The following KRT5 variants were observed in gnomAD, a reference collection of about 807,000 sequenced individuals.
KRT5 encodes keratin, type II cytoskeletal 5.
KRT5 carries 17 observed loss-of-function variants against 44.0 expected under a neutral mutation model. The observed-to-expected ratio is 0.39, with a 90% CI of 0.26 to 0.58. The LOEUF is 0.58. Among genes scored for constraint, KRT5 ranks in the 20% least tolerant of loss-of-function variants. The pLI, the probability that KRT5 is intolerant of heterozygous loss-of-function variation, is 0.61. For missense variants in KRT5, 737 were observed against 785.5 expected (o/e 0.94, Z 0.74); for synonymous variants, 329 against 312.8 (o/e 1.05, Z -0.55).
rs751065772 is a variant in KRT5 at position 52,517,270 on chromosome 12, T to A, written c.1093-38A>T. On this transcript the variant is annotated intron_variant, in intron 5 of 8. Transcript: ENST00000252242. The stretch of plus-strand genomic sequence containing the variant: ...GGAAAGAGGAAAGATTCTGTTTATA[T>A]GAGAATGGGAAGAACTTTCCCAAAG... 8 of 1,613,028 alleles carry A rather than the reference T, an allele frequency of 5.0e-6. No individual in the cohort carries two copies. The Admixed American group carries it at 1.0e-4, about 20-fold the overall frequency.
At chr12:52,515,315 C>T in intron 8 of KRT5, 75 bp from the exon 9 acceptor site, 1 of 1,594,360 alleles carries the variant, frequency 6.3e-7, no homozygotes, top group Middle Eastern at 1.7e-4. Context: ...ATTTGATCTG[C>T]TGGTGTTGGA....
chr12:52,515,239 A>T lies in KRT5; in HGVS notation c.1476T>A (p.Ser492=). 6.2e-7 allele frequency: 1 copy of T among 1,606,168 alleles called. No individual in the cohort carries two copies. Residue 492 remains serine (S), a splice_region_variant and synonymous_variant, in exon 9 of 9, where the codon TCT becomes TCA. Transcript: ENST00000252242. ...CAGAGGAAACACTGCTTGTGACAACAGCTGCAGGGAAAGGAGGGAGGACTC... is the reference window on the plus strand; with the variant it reads ...CAGAGGAAACACTGCTTGTGACAACTGCTGCAGGGAAAGGAGGGAGGACTC... ...SGEGVGPVNI[S]VVTSSVSSGY...
chr12:52,519,454 C>T (rs905539865), intron 1 of KRT5: 1 of 627,304 alleles, frequency 1.6e-6, no homozygotes, highest in Non-Finnish European at 2.8e-6. Flanking sequence ...TGTCTACCTT[C>T]CTGTACAGTC....
chr12:52,519,211 T>C, intron 1 of KRT5, 51 bp from the exon 2 acceptor site: 1 of 1,610,618 alleles, frequency 6.2e-7, no homozygotes, highest in Non-Finnish European at 8.5e-7. Context: ...TCATGTTCTA[T>C]GATCAACTCA....
chr12:52,519,004 C>T lies in KRT5; in HGVS notation c.712G>A (p.Gly238Ser), dbSNP rs1273357519. ...RQLDSIVGERGRLDSELRNMQ... is the reference protein window; with the variant it reads ...RQLDSIVGERSRLDSELRNMQ... ...TTTCTCAGCTCTGAGTCCAGGCGGC[C>T]CCGTTCCCCCACGATGCTGTCCAGC... Residue 238 changes from glycine (G) to serine (S), a missense_variant, in exon 2 of 9, where the codon GGC becomes AGC. Transcript: ENST00000252242. 6 of 1,614,048 alleles carry T rather than the reference C, an allele frequency of 3.7e-6. No homozygotes were observed. In the African/African-American group the frequency reaches 6.7e-5, roughly 18 times the overall value.
Position 52,516,803 on chromosome 12 carries a change from G to A in KRT5, c.1273C>T (p.Leu425Phe), listed in dbSNP as rs779531180. The A allele has an allele frequency of 2.5e-6, 4 of 1,614,070 alleles. No homozygotes were observed. Among genetic ancestry groups the A allele is most frequent in the African/African-American group, 1.3e-5 (1 of 74,916 alleles). ...GCCAGCTTGTTCCTGGCATCCTTGA[G>A]GGCCAGCTCCCCACGCTGCTCGGCA... The part of the protein sequence containing the change: ...ADAEQRGELA[L>F]KDARNKLAEL... The change falls in exon 7 of 9, where the codon CTC (leucine) becomes TTC (phenylalanine). Residue 425 changes from leucine to phenylalanine, a missense_variant. Coordinates refer to ENST00000252242, the MANE Select transcript of KRT5 (RefSeq NM_000424.4).
chr12:52,517,174 T>C lies in KRT5; in HGVS notation c.1151A>G (p.His384Arg), dbSNP rs1470865283. The C allele has an allele frequency of 6.8e-6, 11 of 1,614,134 alleles. No homozygotes were observed. The highest frequency in any genetic ancestry group is 2.2e-5 in the East Asian group (1 of 44,854). ...CATCCGGTTCATCTCAGAGATCTCA[T>C]GCTTGGTGTTGCGGAGGTCATCGCC... ...RHGDDLRNTK[H>R]EISEMNRMIQ... Residue 384 changes from histidine (H) to arginine (R), a missense_variant, in exon 6 of 9, where the codon CAT (histidine) becomes CGT (arginine). Around this residue, in one of 5 missense-constraint regions of KRT5, gnomAD observed 344 missense variants for 351.6 expected, o/e 0.98. Coordinates refer to ENST00000252242, the MANE Select transcript of KRT5 (RefSeq NM_000424.4).
In KRT5 at chr12:52,519,126, T is replaced by C. The variant is rs774595910; in HGVS notation, c.590A>G (p.Asp197Gly). Residue 197 changes from aspartate (D) to glycine (G), a missense_variant, in exon 2 of 9, where the codon GAC becomes GGC. By Grantham distance (94) the Asp-to-Gly change is moderately conservative (BLOSUM62 -1). Transcript: ENST00000252242. The stretch of plus-strand genomic sequence containing the variant: ...CTCCTGCAGCAGGGTCCACTTGGTG[T>C]CCAGAACCTTGTTCTGCTGCTCCAG... ...RFLEQQNKVL[D>G]TKWTLLQEQG... is the part of the protein sequence containing the mutation. 7 of 1,614,156 alleles carry C rather than the reference T, an allele frequency of 4.3e-6. No individual in the cohort carries two copies. The highest frequency in any genetic ancestry group is 5.9e-6 in the Non-Finnish European group (7 of 1,180,004).
At position 52,514,739 on chromosome 12, in the gene KRT5, A is replaced by T. The variant is rs566032276; in HGVS notation, c.*203T>A. ...TGTGGGAAACCTGAAGGCTGATTTGAAGCAGAATATAGAACTGCGGCACGG... is the reference window on the plus strand; with the variant it reads ...TGTGGGAAACCTGAAGGCTGATTTGTAGCAGAATATAGAACTGCGGCACGG... On this transcript the variant is annotated 3_prime_UTR_variant, in exon 9 of 9. Coordinates refer to ENST00000252242, the MANE Select transcript of KRT5 (RefSeq NM_000424.4). 3.4e-6 allele frequency: 2 copies of T among 582,760 alleles called. No homozygotes were observed. The highest frequency in any genetic ancestry group is 1.9e-5 in the African/African-American group (1 of 53,780). The allele number at this position is 582,760 out of a possible 1,614,324, so 36.1% of individuals were successfully genotyped here.
intron 2 of KRT5, chr12:52,518,368 A>G (rs1938650864): frequency 1.5e-6 from 1 of 681,956 alleles, no homozygotes; most frequent in Non-Finnish European, 2.7e-6. Context: ...TGCCTACCAT[A>G]TAATAATTCT....
chr12:52,519,573 C>T (rs1419340693), intron 1 of KRT5, 169 bp downstream of exon 1: 2 of 772,220 alleles, frequency 2.6e-6, no homozygotes, highest in African/African-American at 3.4e-5. Flanking sequence ...TCCCAGCTGC[C>T]AGTCTAATTC....
At chr12:52,516,528 A>G (rs544627684) in intron 7 of KRT5, 109 bp downstream of exon 7, 1 of 1,095,268 alleles carries the variant, frequency 9.1e-7, no homozygotes, top group Non-Finnish European at 1.4e-6. Context: ...ATGATGTGTC[A>G]TTATCACGCA....
rs1415030880 is a variant in KRT5, at chr12:52,515,837, A to C, written c.1440-5T>G. The stretch of plus-strand genomic sequence containing the variant: ...CCAACTCCTTCTCCACTGAGTCTGA[A>C]AGGGGAAAAATTGAATTAAGGGTTA... On this transcript the variant is annotated splice_region_variant and splice_polypyrimidine_tract_variant and intron_variant, in intron 7 of 8. Coordinates refer to ENST00000252242, the MANE Select transcript of KRT5 (RefSeq NM_000424.4). 1 of 1,612,730 alleles carries C rather than the reference A, an allele frequency of 6.2e-7. No individual in the cohort carries two copies. Among genetic ancestry groups the C allele is most frequent in the Admixed American group, 1.7e-5 (1 of 60,016 alleles).
intron 8 of KRT5, 146 bp downstream of exon 8, chr12:52,515,652 C>G (rs1366042123): frequency 1.7e-5 from 13 of 749,432 alleles, no homozygotes; most frequent in Non-Finnish European, 2.6e-5. Flanking sequence ...TTCCCCTCCA[C>G]CACCCACAAC....
At chr12:52,515,310 A>G in intron 8 of KRT5, 70 bp from the exon 9 acceptor site, 2 of 1,596,808 alleles carry the variant, frequency 1.3e-6, no homozygotes, top group Non-Finnish European at 1.7e-6. Flanking sequence ...CATTTATTTG[A>G]TCTGCTGGTG....
intron 8 of KRT5, 115 bp from the exon 9 acceptor site, chr12:52,515,355 G>A (rs1938593677): frequency 4.9e-6 from 7 of 1,424,016 alleles, no homozygotes; most frequent in Admixed American, 1.7e-5. Context: ...TTACAGAGTA[G>A]CAAACAAGGC....
At chr12:52,519,309 T>G in intron 1 of KRT5, 149 bp from the exon 2 acceptor site, 1 of 1,214,848 alleles carries the variant, frequency 8.2e-7, no homozygotes, top group Non-Finnish European at 1.2e-6. Flanking sequence ...AGGTGCAGAC[T>G]GAGGCACCCA....
chr12:52,515,480 T>C lies in KRT5; in HGVS notation c.1475-240A>G, dbSNP rs189809740. 8.6e-5 allele frequency: 55 copies of C among 638,332 alleles called. 1 individual carries two copies. In the Admixed American group the frequency reaches 1.2e-3, roughly 13 times the overall value. 39.5% of individuals were successfully genotyped at this position (638,332 alleles called of 1,614,324 possible). Reference sequence around the variant, plus strand: ...AGGGGAGCTAGGTACTACAGGGAGCTAGGTACTGAGGGGAGCTAGGTACTG... The same window carrying C: ...AGGGGAGCTAGGTACTACAGGGAGCCAGGTACTGAGGGGAGCTAGGTACTG... On this transcript the variant is annotated intron_variant, in intron 8 of 8. Transcript: ENST00000252242.
At chr12:52,515,444 G>A (rs1938594864) in intron 8 of KRT5, 2 of 696,314 alleles carry the variant, frequency 2.9e-6, no homozygotes, top group Admixed American at 2.2e-5. Context: ...ACTGAGAGGA[G>A]CTAGGTACTG....
Sources: allele counts gnomAD v4.1 joint callset, GRCh38; gene constraint gnomAD v4.1.1; regional missense constraint gnomAD v4.1.1; transcripts MANE v1.5; gene names NCBI Gene and HGNC (gene_info 2026-07-23, HGNC 2026-07-21).